Variants in PRRC2A observed in about 807,000 individuals in gnomAD.
PRRC2A encodes protein PRRC2A.
Under a neutral mutation model 224.6 loss-of-function variants are expected in PRRC2A, and 59 were observed. The observed-to-expected ratio is 0.26, with a 90% CI of 0.21 to 0.33. The LOEUF is 0.33. Ranked by LOEUF, PRRC2A falls within the 10% of genes least tolerant of loss-of-function variation. The probability of loss-of-function intolerance (pLI) is 1.00; values close to 1 mark genes in which losing one functional copy is unlikely to be tolerated. For missense variants in PRRC2A, 3,095 were observed against 2,880.7 expected (o/e 1.07, Z -1.70); for synonymous variants, 1,194 against 1,109.5 (o/e 1.08, Z -1.51).
At chr6:31,624,805 T>G (rs1172195173) in intron 5 of PRRC2A, 4 of 437,396 alleles carry the variant, frequency 9.1e-6, no homozygotes, top group African/African-American at 4.0e-5. Flanking sequence ...GCCTTCCACT[T>G]TTTTTTTTTT....
intron 14 of PRRC2A, 64 bp from the exon 15 acceptor site, chr6:31,630,527 C>T (rs1383193661): frequency 1.1e-5 from 17 of 1,567,350 alleles, no homozygotes; most frequent in Admixed American, 3.4e-5. Context: ...AGGGGAGATG[C>T]TTTTTGGGCT....
intron 1 of PRRC2A, among the ~76,000 whole-genome samples, chr6:31,621,523 C>T: frequency 6.6e-6 from 1 of 151,128 alleles, no homozygotes. Flanking sequence ...CATATATTTT[C>T]CACCTGCTTT....
At chr6:31,628,677 C>G (rs1462233514) in intron 12 of PRRC2A, 2 of 218,440 alleles carry the variant, frequency 9.2e-6, no homozygotes, top group Non-Finnish European at 1.8e-5. Flanking sequence ...CCCGTCTCTA[C>G]TAAAAATACA....
At chr6:31,628,508 C>T (rs572088015) in intron 12 of PRRC2A, 5 of 560,154 alleles carry the variant, frequency 8.9e-6, no homozygotes, top group Non-Finnish European at 1.5e-5. Context: ...GGTGGAGGAT[C>T]GCTTGAGCCT....
chr6:31,634,024 C>T (rs1005447742), intron 18 of PRRC2A, 35 bp downstream of exon 18: 5 of 1,590,602 alleles, frequency 3.1e-6, no homozygotes, highest in Admixed American at 3.9e-5. Flanking sequence ...CTTCACTGCA[C>T]TCTTACTCGT....
At chr6:31,622,273 C>T (rs760226490) in intron 1 of PRRC2A, among the ~76,000 whole-genome samples, 45 of 152,308 alleles carry the variant, frequency 3.0e-4, no homozygotes, top group Admixed American at 7.2e-4. Flanking sequence ...GATTAGGGAG[C>T]TTGTGTCCAA....
chr6:31,635,134 G>T lies in PRRC2A; in HGVS notation c.5163G>T (p.Glu1721Asp), dbSNP rs936054163. The T allele has an allele frequency of 8.7e-6, 14 of 1,613,746 alleles. No homozygotes were observed. Among genetic ancestry groups the T allele is most frequent in the Admixed American group, 1.7e-5 (1 of 59,960 alleles). Reference sequence around the variant, plus strand: ...ACTTTACTGTGTGCCCAATCCAGGAGCTGCCCCGGGAGCAGCCTCTGCCCC... The same window carrying T: ...ACTTTACTGTGTGCCCAATCCAGGATCTGCCCCGGGAGCAGCCTCTGCCCC... ...PPAPHDGDRKELPREQPLPPG... is the reference protein window; with the variant it reads ...PPAPHDGDRKDLPREQPLPPG... Residue 1721 changes from glutamate to aspartate, a missense_variant and splice_region_variant, in exon 22 of 31, where the codon GAG becomes GAT. By Grantham distance (45) the Glu-to-Asp change is conservative (BLOSUM62 2). Transcript: ENST00000376033.
rs9501151 is a variant in PRRC2A at position 31,632,783 on chromosome 6, C to T, written c.4110C>T (p.Arg1370=). The T allele has an allele frequency of 9.6e-4, 1,544 of 1,613,050 alleles. 9 individuals carry two copies. The African/African-American group carries it at 0.014, about 14-fold the overall frequency. The change falls in exon 16 of 31, where the codon CGC becomes CGT. Residue 1370 remains arginine, a synonymous_variant. Transcript: ENST00000376033. ...TACCAGGTATTTCAGCCATGTCCCGCGGAGATCTGAGCCAGAGAGCCAAGG... is the reference window on the plus strand; with the variant it reads ...TACCAGGTATTTCAGCCATGTCCCGTGGAGATCTGAGCCAGAGAGCCAAGG... ...GAVPGISAMS[R]GDLSQRAKDL... is the part of the protein sequence containing the mutation.
At chr6:31,634,387 G>A (rs1561835986) in intron 19 of PRRC2A, 22 bp downstream of exon 19, 2 of 1,612,358 alleles carry the variant, frequency 1.2e-6, no homozygotes, top group East Asian at 2.2e-5. Flanking sequence ...TGAGTGAAAG[G>A]ACTATGGTAG....
In PRRC2A at chr6:31,631,258, G is replaced by A. The variant is rs143292630; in HGVS notation, c.2585G>A (p.Arg862His). The A allele has an allele frequency of 1.8e-4, 293 of 1,611,840 alleles. 2 individuals are homozygous for A. The African/African-American group carries it at 2.8e-3, about 15-fold the overall frequency. The change falls in exon 16 of 31, where the codon CGT becomes CAT. Residue 862 changes from arginine to histidine, a missense_variant. Around this residue, in one of 8 missense-constraint regions of PRRC2A, gnomAD observed 2,001 missense variants for 1,764.9 expected, o/e 1.13. Coordinates refer to ENST00000376033, the MANE Select transcript of PRRC2A (RefSeq NM_004638.4). The surrounding 1 kb of genome is among the most constrained non-coding windows in gnomAD (Gnocchi z 4.5). ...SRFPLEEPGP[R>H]PLPWPPGSDE... ...TTTCCTCTGGAGGAACCAGGGCCCCGTCCACTCCCCTGGCCCCCAGGCAGT... is the reference window on the plus strand; with the variant it reads ...TTTCCTCTGGAGGAACCAGGGCCCCATCCACTCCCCTGGCCCCCAGGCAGT...
rs560980870 is a variant in PRRC2A at position 31,634,300 on chromosome 6, A to G, written c.4784A>G (p.Gln1595Arg). 6.2e-7 allele frequency: 1 copy of G among 1,612,296 alleles called. No individual in the cohort carries two copies. Among genetic ancestry groups the G allele is most frequent in the East Asian group, 2.2e-5 (1 of 44,864 alleles). ...TCTAAGCCTGAGGGCCCAGGCCCTC[A>G]GGCAGAGTCCAGAGATACAGGCACA... is the stretch of plus-strand genomic sequence containing the variant. ...LGSKPEGPGPQAESRDTGTEA... is the reference protein window; with the variant it reads ...LGSKPEGPGPRAESRDTGTEA... Residue 1595 changes from glutamine to arginine, a missense_variant, in exon 19 of 31, where the codon CAG becomes CGG. This residue lies in a region of PRRC2A where 2,001 missense variants were observed against 1,764.9 expected (regional missense o/e 1.13). Transcript: ENST00000376033.
At chr6:31,623,120 A>G (rs1460349021) in intron 2 of PRRC2A, 3 of 760,470 alleles carry the variant, frequency 3.9e-6, no homozygotes, top group Non-Finnish European at 7.2e-6. Flanking sequence ...GTCTTTGGAC[A>G]CGTAAGAATT....
In PRRC2A at chr6:31,633,624, G is replaced by A. The variant is rs1330098412; in HGVS notation, c.4565G>A (p.Arg1522Lys). 6.2e-7 allele frequency: 1 copy of A among 1,611,856 alleles called. No individual in the cohort carries two copies. Among genetic ancestry groups the A allele is most frequent in the Non-Finnish European group, 8.5e-7 (1 of 1,179,280 alleles). ...PRPPTRYEPQ[R>K]VNSGLSSDPH... Reference sequence around the variant, plus strand: ...CCCCCAACCCGATACGAGCCCCAGAGGGTCAACAGCGGCCTCAGTTCTGGT... The same window carrying A: ...CCCCCAACCCGATACGAGCCCCAGAAGGTCAACAGCGGCCTCAGTTCTGGT... The change falls in exon 17 of 31, where the codon AGG becomes AAG. Residue 1522 changes from arginine to lysine, a missense_variant. By Grantham distance (26) the Arg-to-Lys change is conservative. This residue lies in a region of PRRC2A where 2,001 missense variants were observed against 1,764.9 expected (regional missense o/e 1.13). Coordinates refer to ENST00000376033, the MANE Select transcript of PRRC2A (RefSeq NM_004638.4).
chr6:31,625,712 G>A lies in PRRC2A; in HGVS notation c.760-80G>A. The A allele has an allele frequency of 6.3e-7, 1 of 1,577,110 alleles. No individual in the cohort carries two copies. Among genetic ancestry groups the A allele is most frequent in the Non-Finnish European group, 8.7e-7 (1 of 1,146,446 alleles). The stretch of plus-strand genomic sequence containing the variant: ...CTATGAGATAGAAGGGAGGGTGGGA[G>A]GATGATTGATAGCAGGCTTAAGGAG... On this transcript the variant is annotated intron_variant, in intron 7 of 30. Coordinates refer to ENST00000376033, the MANE Select transcript of PRRC2A (RefSeq NM_004638.4). This position sits in a 1 kb window ranked among gnomAD's most constrained non-coding sequence, Gnocchi z 4.1.
At chr6:31,630,440 G>A (rs1222149334) in intron 14 of PRRC2A, 151 bp from the exon 15 acceptor site, 5 of 686,944 alleles carry the variant, frequency 7.3e-6, no homozygotes, top group Non-Finnish European at 9.8e-6. Context: ...GAATCTGAGT[G>A]GATAACCTTG....
rs754793931 is a variant in PRRC2A at position 31,625,100 on chromosome 6, A to T, written c.464-71A>T. 4.6e-5 allele frequency: 71 copies of T among 1,541,518 alleles called. No homozygotes were observed. In the African/African-American group the frequency reaches 8.2e-4, roughly 18 times the overall value. On this transcript the variant is annotated intron_variant, in intron 5 of 30. Coordinates refer to ENST00000376033, the MANE Select transcript of PRRC2A (RefSeq NM_004638.4). The surrounding 1 kb of genome is among the most constrained non-coding windows in gnomAD (Gnocchi z 4.1). ...GGCGTGAGCCACCGCGCCCAGCCAG[A>T]GTCTTCCACTTTTATAGCATGTCCT... is the stretch of plus-strand genomic sequence containing the variant.
rs116168958 is a variant in PRRC2A, at chr6:31,630,726, C to T, written c.2390C>T (p.Thr797Ile). ...PKLAWVGDVF[T>I]ATPAEPRPLT... ...TTGGCCTGGGTAGGAGATGTCTTCA[C>T]CGCCACACCCGCTGAACCCCGCCCA... Residue 797 changes from threonine to isoleucine, a missense_variant, in exon 15 of 31, where the codon ACC (threonine) becomes ATC (isoleucine). Physicochemically the swap from Thr to Ile is moderately conservative, Grantham distance 89 (BLOSUM62 -1). This residue lies in a region of PRRC2A where 2,001 missense variants were observed against 1,764.9 expected (regional missense o/e 1.13). Coordinates refer to ENST00000376033, the MANE Select transcript of PRRC2A (RefSeq NM_004638.4). The T allele has an allele frequency of 1.5e-5, 25 of 1,614,038 alleles. No homozygotes were observed. The highest frequency in any genetic ancestry group is 1.9e-5 in the Non-Finnish European group (22 of 1,180,036).
At chr6:31,633,041 G>A (rs775499151) in intron 16 of PRRC2A, 49 bp downstream of exon 16, 10 of 1,456,272 alleles carry the variant, frequency 6.9e-6, no homozygotes, top group African/African-American at 4.3e-5. Context: ...TGGAGGAGGG[G>A]GAAAAAGCCT....
intron 5 of PRRC2A, chr6:31,624,962 T>A: frequency 1.7e-6 from 1 of 602,948 alleles, no homozygotes; most frequent in Non-Finnish European, 2.9e-6. Flanking sequence ...CACACCCAGC[T>A]AATTTTTTGT....
Sources: gnomAD v4.1 joint callset for allele counts (sites outside exome capture counted in the v4.1 genomes callset) on GRCh38, gnomAD v4.1.1 for gene constraint, gnomAD v4.1.1 regional missense constraint, Gnocchi (gnomAD v3.1) non-coding constraint, MANE v1.5 for transcripts, NCBI Gene and HGNC (gene_info 2026-07-23, HGNC 2026-07-21) for gene names.